Variants in DDX43 observed in about 807,000 individuals in gnomAD.
The protein encoded by DDX43 is DEAD-box helicase 43, also known as probable ATP-dependent RNA helicase DDX43.
A neutral mutation model predicts 84.9 loss-of-function variants in DDX43; 50 were observed. The observed-to-expected ratio is 0.59, with a 90% CI of 0.47 to 0.75. DDX43 has a LOEUF of 0.75. DDX43 is among the 30% of genes least tolerant of loss of function. The pLI is 0.00. For missense variants in DDX43, 689 were observed against 798.6 expected (o/e 0.86, Z 1.65); for synonymous variants, 291 against 266.3 (o/e 1.09, Z -0.90).
rs761595624 is a variant in DDX43 at position 73,404,663 on chromosome 6, A to G, written c.569-27A>G. ...ATTCATGATGCTGTAAAATTTATCAAAGTGTGGATTTTCGCCTTTGTCCCA... is the reference window on the plus strand; with the variant it reads ...ATTCATGATGCTGTAAAATTTATCAGAGTGTGGATTTTCGCCTTTGTCCCA... On this transcript the variant is annotated intron_variant, in intron 4 of 16. Coordinates refer to ENST00000370336, the MANE Select transcript of DDX43 (RefSeq NM_018665.3). 17 of 1,542,826 alleles carry G rather than the reference A, an allele frequency of 1.1e-5. No individual in the cohort carries two copies. The South Asian group carries it at 1.1e-4, about 10-fold the overall frequency.
intron 7 of DDX43, chr6:73,406,833 T>A (rs1769695010): frequency 6.5e-6 from 1 of 154,980 alleles, no homozygotes; most frequent in Non-Finnish European, 1.4e-5. Context: ...GGTTTTAGGG[T>A]GTGTGGCTTT....
At chr6:73,412,656 T>TGTGC (rs1200388700) in intron 11 of DDX43, among the ~76,000 whole-genome samples, 9 of 87,966 alleles carry the variant, frequency 1.0e-4, no homozygotes, top group African/African-American at 3.6e-4. Context: ...TGTGTGTGTG[T>TGTGC]GTGTGTGTGT....
In DDX43 at chr6:73,402,925, A is replaced by G. The variant is rs1582636771; in HGVS notation, c.568+935A>G. On this transcript the variant is annotated intron_variant, in intron 4 of 16. Transcript: ENST00000370336. ...AGATTTCTCACGTGGAACATTATATATGGGGGATAATGCTTCATTATTCAA... is the reference window on the plus strand; with the variant it reads ...AGATTTCTCACGTGGAACATTATATGTGGGGGATAATGCTTCATTATTCAA... 4.6e-5 allele frequency among the ~76,000 whole-genome samples: 7 copies of G among 152,238 alleles called. No homozygotes were observed. The South Asian group carries it at 1.5e-3, about 32-fold the overall frequency.
At chr6:73,402,604 G>A (rs1415402699) in intron 4 of DDX43, among the ~76,000 whole-genome samples, 1 of 152,070 alleles carries the variant, frequency 6.6e-6, no homozygotes, top group Admixed American at 6.6e-5. Flanking sequence ...TTTTGAGGTA[G>A]GGTCTTGCTC....
At chr6:73,406,614 T>C (rs1769688936) in intron 7 of DDX43, 132 bp downstream of exon 7, 1 of 596,830 alleles carries the variant, frequency 1.7e-6, no homozygotes, top group Non-Finnish European at 3.0e-6. Context: ...TGCAAGGAAT[T>C]AAACACTTAG....
chr6:73,405,972 G>A (rs1769671532), intron 6 of DDX43, 137 bp downstream of exon 6: 2 of 776,210 alleles, frequency 2.6e-6, no homozygotes, highest in Non-Finnish European at 3.7e-6. Flanking sequence ...AAAAATCTTT[G>A]TTGAAAGAAG....
At position 73,407,486 on chromosome 6, in the gene DDX43, A is replaced by G; in HGVS notation, c.927-19A>G. 1 of 1,487,394 alleles carries G rather than the reference A, an allele frequency of 6.7e-7. No homozygotes were observed. The highest frequency in any genetic ancestry group is 1.7e-5 in the Admixed American group (1 of 57,208). 92.1% of individuals were successfully genotyped at this position (1,487,394 alleles called of 1,614,324 possible). A position where few individuals can be genotyped will look rare whatever the true frequency, so the allele number is the denominator to read the frequency against. On this transcript the variant is annotated intron_variant, in intron 7 of 16. Transcript: ENST00000370336. ...ATCTGAGACAAGTAATTTAATATTA[A>G]TCTGTTTTCTCTCCAAAGCCTTAAA...
At chr6:73,415,783 C>G (rs970479060) in intron 15 of DDX43, among the ~76,000 whole-genome samples, 199 bp downstream of exon 15, 2 of 151,964 alleles carry the variant, frequency 1.3e-5, no homozygotes, top group Admixed American at 6.6e-5. Flanking sequence ...CAATGAAAGC[C>G]CCGCCAAGGA....
intron 5 of DDX43, 31 bp from the exon 6 acceptor site, chr6:73,405,648 G>T (rs1230814780): frequency 3.1e-6 from 5 of 1,607,674 alleles, no homozygotes; most frequent in Non-Finnish European, 4.3e-6. Context: ...GTAAAGTGAG[G>T]AAAGCCACTG....
intron 10 of DDX43, among the ~76,000 whole-genome samples, chr6:73,410,350 G>T (rs187310901): frequency 6.6e-6 from 1 of 152,104 alleles, no homozygotes; most frequent in East Asian, 1.9e-4. Flanking sequence ...TATTTTTACC[G>T]ATGGGGTTTC....
At chr6:73,409,163 T>TC (rs1362523325) in intron 9 of DDX43, 85 bp from the exon 10 acceptor site, 12 of 1,004,526 alleles carry the variant, frequency 1.2e-5, no homozygotes, top group Non-Finnish European at 1.7e-5. Flanking sequence ...AAAGCCTTTC[T>TC]TAGTGTTCTA....
intron 1 of DDX43, 58 bp downstream of exon 1, chr6:73,395,213 C>T: frequency 6.6e-7 from 1 of 1,521,412 alleles, no homozygotes; most frequent in Non-Finnish European, 8.8e-7. Flanking sequence ...GGAGCCTGGG[C>T]GAAGGCATTT....
At chr6:73,403,393 C>A (rs1054457117) in intron 4 of DDX43, among the ~76,000 whole-genome samples, 1 of 152,080 alleles carries the variant, frequency 6.6e-6, no homozygotes, top group African/African-American at 2.4e-5. Context: ...TCGCTTGACC[C>A]CAGGAGGTGG....
rs764398180 is a variant in DDX43, at chr6:73,400,214, CTT to C, written c.307-16_307-15del. Reference sequence around the variant, plus strand: ...TTTAGGGAAATTTTAAGTCTCACCTCTTTTTCCCCTTGTACCTAGATAATACA... The same window carrying C: ...TTTAGGGAAATTTTAAGTCTCACCTCTTTCCCCTTGTACCTAGATAATACA... On this transcript the variant is annotated intron_variant, in intron 2 of 16. Transcript: ENST00000370336. The C allele has an allele frequency of 6.4e-7, 1 of 1,560,730 alleles. No individual in the cohort carries two copies. Among genetic ancestry groups the C allele is most frequent in the Non-Finnish European group, 8.6e-7 (1 of 1,159,684 alleles).
chr6:73,412,698 CGT>C (rs1769824291), intron 11 of DDX43, among the ~76,000 whole-genome samples: 3 of 111,332 alleles, frequency 2.7e-5, no homozygotes, highest in Non-Finnish European at 3.7e-5. Flanking sequence ...TGTGCGCGTG[CGT>C]GCGCACGCAT....
intron 10 of DDX43, among the ~76,000 whole-genome samples, chr6:73,409,679 TTGAA>T (rs1382666494): frequency 6.6e-6 from 1 of 152,224 alleles, no homozygotes; most frequent in African/African-American, 2.4e-5. Flanking sequence ...CAATGATTAT[TTGAA>T]TGAGTGATCT....
chr6:73,403,304 TA>T (rs1328452811), intron 4 of DDX43, among the ~76,000 whole-genome samples: 5 of 152,088 alleles, frequency 3.3e-5, no homozygotes, highest in Non-Finnish European at 5.9e-5. Flanking sequence ...ACCCCATCTC[TA>T]CTAAAAATAC....
chr6:73,406,344 T>A lies in DDX43; in HGVS notation c.808-20T>A. 1 of 1,545,426 alleles carries A rather than the reference T, an allele frequency of 6.5e-7. No individual in the cohort carries two copies. Among genetic ancestry groups the A allele is most frequent in the South Asian group, 1.1e-5 (1 of 88,814 alleles). ...GCAAAAGATGTACTTTTTGTGTTAA[T>A]GTTTATCATTCCGTTTCAGTCACAG... is the stretch of plus-strand genomic sequence containing the variant. On this transcript the variant is annotated intron_variant, in intron 6 of 16. Coordinates refer to ENST00000370336, the MANE Select transcript of DDX43 (RefSeq NM_018665.3).
chr6:73,414,567 T>C lies in DDX43; in HGVS notation c.1626T>C (p.Ile542=). The C allele has an allele frequency of 6.2e-7, 1 of 1,613,038 alleles. No homozygotes were observed. Among genetic ancestry groups the C allele is most frequent in the Non-Finnish European group, 8.5e-7 (1 of 1,179,596 alleles). ...NFKTGKVRIL[I]ATDLASRGLD... ...TTTTAGGCAAAGTGAGAATACTAATTGCAACTGATCTAGCCTCTAGAGGAC... is the reference window on the plus strand; with the variant it reads ...TTTTAGGCAAAGTGAGAATACTAATCGCAACTGATCTAGCCTCTAGAGGAC... Residue 542 remains isoleucine (I), a synonymous_variant, in exon 14 of 17, where the codon ATT becomes ATC. Coordinates refer to ENST00000370336, the MANE Select transcript of DDX43 (RefSeq NM_018665.3).
Sources: allele counts gnomAD v4.1 joint callset (sites outside exome capture counted in the v4.1 genomes callset), GRCh38; gene constraint gnomAD v4.1.1; transcripts MANE v1.5; gene names NCBI Gene and HGNC (gene_info 2026-07-23, HGNC 2026-07-21).